The following CEP128 variants were observed in gnomAD, a reference collection of about 807,000 sequenced individuals.
CEP128 encodes the protein centrosomal protein 128.
In CEP128, 132 loss-of-function variants were observed where a neutral mutation model predicts 156.7. The observed-to-expected ratio is 0.84, with a 90% CI of 0.73 to 0.97. The LOEUF is 0.97. CEP128 is among the 50% of genes least tolerant of loss of function. CEP128 has a pLI of 0.00. For synonymous variants in CEP128, 469 were observed against 448.9 expected, an observed-to-expected ratio of 1.04 and a Z score of -0.57; for missense variants, 1,252 against 1,281.9, an observed-to-expected ratio of 0.98 and a Z score of 0.36.
chr14:80,805,514 C>G (rs750441370), intron 13 of CEP128, among the ~76,000 whole-genome samples: 1 of 152,112 alleles, frequency 6.6e-6, no homozygotes, highest in African/African-American at 2.4e-5. Flanking sequence ...TAACCCCTAA[C>G]TGATATTATA....
At chr14:80,783,881 A>G (rs887630520) in intron 15 of CEP128, among the ~76,000 whole-genome samples, 1 of 152,152 alleles carries the variant, frequency 6.6e-6, no homozygotes, top group Non-Finnish European at 1.5e-5. Flanking sequence ...TACCTATTTT[A>G]GCCTCCATTC....
chr14:80,478,559 T>C (rs1484783286), intron 14 of CEP128, among the ~76,000 whole-genome samples: 1 of 152,202 alleles, frequency 6.6e-6, no homozygotes, highest in African/African-American at 2.4e-5. Flanking sequence ...TGCTTACCAG[T>C]ATGTGATCTT....
intron 13 of CEP128, among the ~76,000 whole-genome samples, chr14:80,810,789 C>A (rs1884489425): frequency 6.6e-6 from 1 of 152,200 alleles, no homozygotes; most frequent in East Asian, 1.9e-4. Context: ...GAAAGAATTT[C>A]TATTTATTTT....
Position 80,530,901 on chromosome 14 carries a change from A to G in CEP128, c.2881-15T>C. On this transcript the variant is annotated splice_polypyrimidine_tract_variant and intron_variant, in intron 21 of 24. Transcript: ENST00000555265. ...ACTTGGGTACTCTGAAATAGAAAACATAAGGAAACCAAACATTATAAAAAA... is the reference window on the plus strand; with the variant it reads ...ACTTGGGTACTCTGAAATAGAAAACGTAAGGAAACCAAACATTATAAAAAA... 8 of 1,559,022 alleles carry G rather than the reference A, an allele frequency of 5.1e-6. No homozygotes were observed. The highest frequency in any genetic ancestry group is 1.4e-5 in the African/African-American group (1 of 73,346).
chr14:80,493,044 T>G (rs1887376922), downstream of CEP128, among the ~76,000 whole-genome samples: 1 of 152,154 alleles, frequency 6.6e-6, no homozygotes, highest in African/African-American at 2.4e-5. Context: ...GACACAGAGC[T>G]CCAATATCTA....
chr14:80,477,709 A>G (rs1886968688), exon 15 of CEP128: 1 of 152,198 alleles, frequency 6.6e-6, no homozygotes, highest in Non-Finnish European at 1.5e-5. Flanking sequence ...CTACTTTCCA[A>G]AATGAATCCA....
At chr14:80,786,970 G>C (rs1901442317) in intron 14 of CEP128, among the ~76,000 whole-genome samples, 1 of 152,156 alleles carries the variant, frequency 6.6e-6, no homozygotes, top group South Asian at 2.1e-4. Context: ...TAACTGAGGA[G>C]AAGGAACTCT....
intron 2 of CEP128, among the ~76,000 whole-genome samples, chr14:80,948,630 A>G (rs1382043586): frequency 6.6e-6 from 1 of 152,180 alleles, no homozygotes; most frequent in Non-Finnish European, 1.5e-5. Context: ...TAATATTTGA[A>G]CCATGCTAAT....
intron 8 of CEP128, among the ~76,000 whole-genome samples, chr14:80,880,703 A>T (rs1388180676): frequency 6.6e-6 from 1 of 150,514 alleles, no homozygotes; most frequent in African/African-American, 2.4e-5. Flanking sequence ...AAAAAAAAAA[A>T]ATACAAAAAA....
intron 13 of CEP128, among the ~76,000 whole-genome samples, chr14:80,808,605 A>G (rs1251688800): frequency 2.0e-5 from 3 of 152,158 alleles, no homozygotes; most frequent in Non-Finnish European, 4.4e-5. Flanking sequence ...TCTGCCCTGG[A>G]GCCCAAGATC....
At chr14:80,617,098 T>G (rs181129168) in intron 19 of CEP128, among the ~76,000 whole-genome samples, 147 of 135,700 alleles carry the variant, frequency 1.1e-3, no homozygotes, top group African/African-American at 4.0e-3. Context: ...AGGAAAACAT[T>G]TGGAACTAAG....
intron 6 of CEP128, among the ~76,000 whole-genome samples, chr14:80,491,045 T>G (rs952127880): frequency 6.6e-6 from 1 of 152,182 alleles, no homozygotes; most frequent in African/African-American, 2.4e-5. Flanking sequence ...TTGTGAACCA[T>G]TGCTTTCAGG....
chr14:80,599,268 T>C (rs1045030955), intron 19 of CEP128, among the ~76,000 whole-genome samples: 7 of 72,368 alleles, frequency 9.7e-5, no homozygotes, highest in Non-Finnish European at 1.4e-4. Context: ...TCATATTCTT[T>C]TTTTTTTTTT....
chr14:80,935,025 T>C (rs1885702194), intron 2 of CEP128, among the ~76,000 whole-genome samples: 10 of 152,098 alleles, frequency 6.6e-5, no homozygotes, highest in Non-Finnish European at 1.3e-4. Context: ...TCATCCCCAT[T>C]TTACAGAAAA....
intron 13 of CEP128, among the ~76,000 whole-genome samples, chr14:80,802,506 A>G (rs36042988): frequency 4.1e-5 from 6 of 144,790 alleles, no homozygotes; most frequent in Non-Finnish European, 6.1e-5. Context: ...ATGGACACAG[A>G]AAGAGGAACA....
At chr14:80,592,176 A>G (rs1333436030) in intron 19 of CEP128, among the ~76,000 whole-genome samples, 1 of 152,202 alleles carries the variant, frequency 6.6e-6, no homozygotes, top group Admixed American at 6.5e-5. Flanking sequence ...TGAAGGAGAC[A>G]GAGACATGAA....
chr14:80,478,131 A>G (rs74856060), exon 15 of CEP128: 3,408 of 152,168 alleles, frequency 0.022, 43 homozygotes, highest in African/African-American at 0.035. Context: ...TCAGTAGTGT[A>G]TACCCTGTAT....
intron 19 of CEP128, among the ~76,000 whole-genome samples, chr14:80,628,844 A>ATGGGGCCACG (rs144596872): frequency 6.6e-6 from 1 of 151,516 alleles, no homozygotes; most frequent in African/African-American, 2.4e-5. Flanking sequence ...ATATATATGT[A>ATGGGGCCACG]TAGTCACTTC....
intron 13 of CEP128, among the ~76,000 whole-genome samples, chr14:80,823,200 C>G (rs1885282020): frequency 6.6e-6 from 1 of 152,210 alleles, no homozygotes; most frequent in Non-Finnish European, 1.5e-5. Flanking sequence ...GGGACCTGAC[C>G]CCTAGTCATT....
Sources: allele counts gnomAD v4.1 joint callset (sites outside exome capture counted in the v4.1 genomes callset), GRCh38; gene constraint gnomAD v4.1.1; transcripts MANE v1.5; gene names NCBI Gene and HGNC (gene_info 2026-07-23, HGNC 2026-07-21).